The following TBX15 variants were observed in gnomAD, a reference collection of about 807,000 sequenced individuals.
The protein encoded by TBX15 is T-box transcription factor 15.
In TBX15, 18 loss-of-function variants were observed where a neutral mutation model predicts 53.9. The ratio of observed to expected loss-of-function variants is 0.33; its 90% CI spans 0.23 to 0.49. The LOEUF (loss-of-function observed/expected upper bound fraction) is 0.49, where lower values mean the gene tolerates loss of function less well. Ranked by LOEUF, TBX15 falls within the 20% of genes least tolerant of loss-of-function variation. The probability of loss-of-function intolerance (pLI) is 0.98; values close to 1 mark genes in which losing one functional copy is unlikely to be tolerated. For synonymous variants in TBX15, 295 were observed against 278.0 expected, an observed-to-expected ratio of 1.06 and a Z score of -0.61; for missense variants, 692 against 749.5, an observed-to-expected ratio of 0.92 and a Z score of 0.90.
At chr1:118,927,165 TCTTAA>T (rs1160341413) in intron 2 of TBX15, among the ~76,000 whole-genome samples, 2 of 152,230 alleles carry the variant, frequency 1.3e-5, no homozygotes, top group African/African-American at 4.8e-5. Context: ...TACTATCTCT[TCTTAA>T]CTTAAATTGA....
chr1:118,986,680 C>T (rs1262821571), intron 1 of TBX15, among the ~76,000 whole-genome samples: 1 of 152,220 alleles, frequency 6.6e-6, no homozygotes, highest in Non-Finnish European at 1.5e-5. Flanking sequence ...TCTGGCTGTT[C>T]AGCAGGAGCA....
chr1:118,938,680 T>TAGA (rs1656044707), intron 1 of TBX15, among the ~76,000 whole-genome samples: 1 of 152,228 alleles, frequency 6.6e-6, no homozygotes, highest in Non-Finnish European at 1.5e-5. Flanking sequence ...CTCTTTCTAA[T>TAGA]AATAGCCATT....
intron 2 of TBX15, 95 bp from the exon 3 acceptor site, chr1:118,926,706 T>C (rs2101600760): frequency 9.0e-7 from 1 of 1,109,554 alleles, no homozygotes. Context: ...TGTTTGTTTG[T>C]TTTCTTGTTT....
At chr1:118,933,387 C>T (rs1288215235) in intron 1 of TBX15, among the ~76,000 whole-genome samples, 1 of 151,914 alleles carries the variant, frequency 6.6e-6, no homozygotes, top group South Asian at 2.1e-4. Context: ...TGACCAAAAA[C>T]TTCAGTTTAC....
chr1:118,963,612 G>A (rs879793816), intron 1 of TBX15, among the ~76,000 whole-genome samples: 1 of 152,204 alleles, frequency 6.6e-6, no homozygotes, highest in South Asian at 2.1e-4. Flanking sequence ...TGAGATGGTG[G>A]AACTATAAAA....
chr1:118,885,146 G>A lies in TBX15; in HGVS notation c.1395C>T (p.Tyr465=), dbSNP rs1302976111. Residue 465 remains tyrosine, a synonymous_variant, in exon 8 of 8, where the codon TAC becomes TAT. Coordinates refer to ENST00000369429, the MANE Select transcript of TBX15 (RefSeq NM_001330677.2). ...SLPGNSKMEA[Y]GGQLGSFPTS... ...TGGGAAAGGACCCCAGCTGGCCACC[G>A]TAGGCTTCCATCTTGCTGTTGCCAG... 1.2e-5 allele frequency: 19 copies of A among 1,614,060 alleles called. No homozygotes were observed. The highest frequency in any genetic ancestry group is 4.4e-5 in the South Asian group (4 of 91,090).
At chr1:118,905,703 G>A (rs879264655) in intron 6 of TBX15, among the ~76,000 whole-genome samples, 1 of 152,228 alleles carries the variant, frequency 6.6e-6, no homozygotes, top group African/African-American at 2.4e-5. Flanking sequence ...TGGGGGGCTG[G>A]TAAGAGTGCC....
At chr1:118,914,043 T>C (rs575202788) in intron 6 of TBX15, 72 bp downstream of exon 6, 1 of 1,524,434 alleles carries the variant, frequency 6.6e-7, no homozygotes, top group South Asian at 1.1e-5. Flanking sequence ...GCAGGAGCCA[T>C]CAACCATCAG....
At chr1:118,916,446 A>G (rs1222093034) in intron 5 of TBX15, among the ~76,000 whole-genome samples, 1 of 152,232 alleles carries the variant, frequency 6.6e-6, no homozygotes, top group African/African-American at 2.4e-5. Flanking sequence ...ACACTTCACA[A>G]AAGAAGACAT....
At chr1:118,898,994 A>G (rs1475779810) in intron 7 of TBX15, 34 bp downstream of exon 7, 1 of 1,605,464 alleles carries the variant, frequency 6.2e-7, no homozygotes, top group African/African-American at 1.3e-5. Context: ...CCCTGGCCCT[A>G]TCACTAAGCA....
intron 1 of TBX15, among the ~76,000 whole-genome samples, chr1:118,959,529 C>A (rs1656795977): frequency 1.3e-5 from 2 of 152,210 alleles, no homozygotes; most frequent in South Asian, 4.1e-4. Context: ...CCAAGCTGAA[C>A]TGAGCCTTCC....
intron 7 of TBX15, among the ~76,000 whole-genome samples, chr1:118,893,328 A>AGGAAGGAAG (rs71070771): frequency 2.2e-5 from 2 of 91,962 alleles, no homozygotes; most frequent in African/African-American, 1.3e-4. Flanking sequence ...GAAAGAAAGA[A>AGGAAGGAAG]GAAAGAAGGA....
intron 1 of TBX15, among the ~76,000 whole-genome samples, chr1:118,968,694 T>C (rs1038294283): frequency 6.6e-6 from 1 of 152,058 alleles, no homozygotes; most frequent in East Asian, 1.9e-4. Flanking sequence ...GGAAACTAGT[T>C]TGAGGGTTTG....
intron 7 of TBX15, among the ~76,000 whole-genome samples, chr1:118,887,827 G>A (rs1296387616): frequency 1.3e-5 from 2 of 151,942 alleles, no homozygotes; most frequent in South Asian, 2.1e-4. Context: ...AAAAAAAAGC[G>A]TTCATCTTAC....
intron 1 of TBX15, among the ~76,000 whole-genome samples, chr1:118,956,759 T>C (rs1039310552): frequency 6.6e-6 from 1 of 150,996 alleles, no homozygotes; most frequent in South Asian, 2.1e-4. Flanking sequence ...GAGACCATCC[T>C]GGCTAACACG....
At chr1:118,910,252 C>G (rs1654986543) in intron 6 of TBX15, among the ~76,000 whole-genome samples, 2 of 152,146 alleles carry the variant, frequency 1.3e-5, no homozygotes, top group Admixed American at 1.3e-4. Flanking sequence ...TGGACAAGCA[C>G]TTTCCCTCCT....
At chr1:118,886,367 A>C (rs1189683971) in intron 7 of TBX15, among the ~76,000 whole-genome samples, 2 of 151,946 alleles carry the variant, frequency 1.3e-5, no homozygotes, top group Non-Finnish European at 2.9e-5. Flanking sequence ...TCTGCTCACA[A>C]CTCTGCCACA....
At chr1:118,987,126 G>A (rs2101063356) in intron 1 of TBX15, among the ~76,000 whole-genome samples, 1 of 152,310 alleles carries the variant, frequency 6.6e-6, no homozygotes, top group South Asian at 2.1e-4. Flanking sequence ...TGGGAGAAAG[G>A]CAAGGACGAG....
chr1:118,974,364 T>A (rs1404962559), intron 1 of TBX15, among the ~76,000 whole-genome samples: 1 of 152,186 alleles, frequency 6.6e-6, no homozygotes, highest in Non-Finnish European at 1.5e-5. Context: ...GCCATTTTTT[T>A]AATCACTGGG....
Sources: gnomAD v4.1 joint callset for allele counts (sites outside exome capture counted in the v4.1 genomes callset) on GRCh38, gnomAD v4.1.1 for gene constraint, MANE v1.5 for transcripts, NCBI Gene and HGNC (gene_info 2026-07-23, HGNC 2026-07-21) for gene names.